PRKG1: variants seen among roughly 807,000 people sequenced by gnomAD.
The protein encoded by PRKG1 is cGMP-dependent protein kinase 1.
PRKG1 carries 35 observed loss-of-function variants against 88.1 expected under a neutral mutation model. The ratio of observed to expected loss-of-function variants is 0.40; its 90% confidence interval spans 0.30 to 0.53. The LOEUF is 0.53. PRKG1 is among the 20% of genes least tolerant of loss of function. The pLI is 0.59. For synonymous variants in PRKG1, 303 were observed against 292.5 expected, an observed-to-expected ratio of 1.04 and a Z score of -0.37; for missense variants, 540 against 839.8, an observed-to-expected ratio of 0.64 and a Z score of 4.41.
chr10:51,896,818 A>G (rs1589399232), intron 4 of PRKG1, among the ~76,000 whole-genome samples: 2 of 152,120 alleles, frequency 1.3e-5, no homozygotes, highest in South Asian at 4.1e-4. Context: ...AGGAGTTTAA[A>G]CTTTTATCAC....
At chr10:51,761,704 C>G (rs1170844966) in intron 3 of PRKG1, among the ~76,000 whole-genome samples, 1 of 151,878 alleles carries the variant, frequency 6.6e-6, no homozygotes, top group Admixed American at 6.6e-5. Context: ...TTATTTTTTT[C>G]TTACTATGTA....
chr10:51,955,585 C>A (rs1257301118), intron 5 of PRKG1, among the ~76,000 whole-genome samples: 1 of 152,062 alleles, frequency 6.6e-6, no homozygotes, highest in Non-Finnish European at 1.5e-5. Context: ...CATTCGATTT[C>A]ATTATTATGA....
At chr10:51,565,044 G>A (rs1336322461) in intron 3 of PRKG1, among the ~76,000 whole-genome samples, 1 of 151,974 alleles carries the variant, frequency 6.6e-6, no homozygotes, top group African/African-American at 2.4e-5. Flanking sequence ...TTGTCCTATT[G>A]CCAGCTCAAT....
At chr10:51,234,211 A>G (rs1004180427) in intron 2 of PRKG1, among the ~76,000 whole-genome samples, 2 of 152,168 alleles carry the variant, frequency 1.3e-5, no homozygotes, top group Non-Finnish European at 2.9e-5. Context: ...GCATGGTAGT[A>G]AAACCCACTT....
chr10:51,203,053 G>C (rs1262241455), intron 2 of PRKG1, among the ~76,000 whole-genome samples: 1 of 152,036 alleles, frequency 6.6e-6, no homozygotes, highest in African/African-American at 2.4e-5. Flanking sequence ...GACATTTTAG[G>C]AGTAGAACTC....
chr10:52,118,306 T>C (rs774320246), intron 7 of PRKG1, among the ~76,000 whole-genome samples: 3 of 152,042 alleles, frequency 2.0e-5, no homozygotes, highest in Non-Finnish European at 2.9e-5. Flanking sequence ...TTTATATTAT[T>C]ATCACCTTGC....
chr10:52,193,548 C>CAAAAAAAAAAAAAA (rs34730000), intron 9 of PRKG1, among the ~76,000 whole-genome samples: 3 of 42,824 alleles, frequency 7.0e-5, no homozygotes, highest in African/African-American at 2.2e-4. Context: ...GACTCTGTCT[C>CAAAAAAAAAAAAAA]AAAAAAAAAA....
At chr10:51,094,285 C>G (rs1844470260) in intron 1 of PRKG1, among the ~76,000 whole-genome samples, 1 of 151,900 alleles carries the variant, frequency 6.6e-6, no homozygotes, top group South Asian at 2.1e-4. Flanking sequence ...TGCACTCAGT[C>G]TGTACGTGAA....
At chr10:51,616,343 T>C (rs1241426087) in intron 3 of PRKG1, among the ~76,000 whole-genome samples, 1 of 152,186 alleles carries the variant, frequency 6.6e-6, no homozygotes, top group Non-Finnish European at 1.5e-5. Context: ...GGGAAGCTGG[T>C]CAGGGTCTCG....
At chr10:52,286,594 C>A (rs990275678) in intron 14 of PRKG1, among the ~76,000 whole-genome samples, 1 of 151,784 alleles carries the variant, frequency 6.6e-6, no homozygotes, top group Non-Finnish European at 1.5e-5. Flanking sequence ...ACACTAAAAC[C>A]AACAAAAATT....
chr10:52,162,161 C>G (rs879398452), intron 9 of PRKG1, among the ~76,000 whole-genome samples, 198 bp downstream of exon 9: 12 of 152,054 alleles, frequency 7.9e-5, no homozygotes, highest in Non-Finnish European at 1.5e-5. Flanking sequence ...AAACACAAAA[C>G]TTCAATTTTG....
At chr10:51,672,623 T>C (rs1589183390) in intron 3 of PRKG1, among the ~76,000 whole-genome samples, 1 of 152,174 alleles carries the variant, frequency 6.6e-6, no homozygotes, top group African/African-American at 2.4e-5. Flanking sequence ...TCATGTGGGA[T>C]CATATTTGAT....
chr10:51,698,963 T>C (rs369397658), intron 3 of PRKG1: 5 of 1,614,104 alleles, frequency 3.1e-6, no homozygotes, highest in Admixed American at 3.3e-5. Flanking sequence ...TGGTGTGACA[T>C]GTATCTTCCG....
At chr10:51,689,504 G>C (rs1841083171) in intron 3 of PRKG1, among the ~76,000 whole-genome samples, 1 of 152,062 alleles carries the variant, frequency 6.6e-6, no homozygotes, top group Admixed American at 6.6e-5. Context: ...AAGTTTGGTG[G>C]GTGCATAGAA....
At chr10:51,363,218 A>C (rs1299073640) in intron 2 of PRKG1, among the ~76,000 whole-genome samples, 1 of 147,048 alleles carries the variant, frequency 6.8e-6, no homozygotes, top group Non-Finnish European at 1.5e-5. Flanking sequence ...ATCCTAGTCA[A>C]AAAAAAAAAA....
chr10:52,006,105 A>AT (rs1012167759), intron 5 of PRKG1, among the ~76,000 whole-genome samples: 5 of 151,684 alleles, frequency 3.3e-5, no homozygotes, highest in African/African-American at 1.2e-4. Flanking sequence ...ACAAACAAAA[A>AT]AAACAAGTCT....
intron 2 of PRKG1, among the ~76,000 whole-genome samples, chr10:51,225,045 C>T (rs1009501971): frequency 5.3e-5 from 8 of 152,196 alleles, no homozygotes; most frequent in African/African-American, 1.9e-4. Context: ...AGGAAATATA[C>T]ACTGTTTTAG....
intron 3 of PRKG1, among the ~76,000 whole-genome samples, chr10:51,504,901 A>T (rs908929724): frequency 5.9e-5 from 9 of 152,162 alleles, no homozygotes; most frequent in Non-Finnish European, 1.2e-4. Flanking sequence ...TAGATATACA[A>T]TCATGTCATC....
At chr10:52,125,563 C>T (rs1477192659) in intron 7 of PRKG1, among the ~76,000 whole-genome samples, 3 of 152,070 alleles carry the variant, frequency 2.0e-5, no homozygotes, top group Admixed American at 6.6e-5. Flanking sequence ...TCATATGGAA[C>T]CCGATTGCCC....
Sources: allele counts gnomAD v4.1 joint callset (sites outside exome capture counted in the v4.1 genomes callset), GRCh38; gene constraint gnomAD v4.1.1; transcripts MANE v1.5; gene names NCBI Gene and HGNC (gene_info 2026-07-23, HGNC 2026-07-21).